The following PTK7 variants were observed in gnomAD, a reference collection of about 807,000 sequenced individuals.
The protein encoded by PTK7 is protein tyrosine kinase 7 (inactive), also known as inactive tyrosine-protein kinase 7.
A neutral mutation model predicts 116.6 loss-of-function variants in PTK7; 39 were observed. The observed-to-expected ratio is 0.33, with a 90% confidence interval of 0.26 to 0.44. PTK7 has a LOEUF of 0.44. PTK7 is among the 20% of genes least tolerant of loss of function. The pLI is 1.00. For missense variants in PTK7, 1,169 were observed against 1,425.6 expected, an observed-to-expected ratio of 0.82 and a Z score of 2.90; for synonymous variants, 546 against 563.6, an observed-to-expected ratio of 0.97 and a Z score of 0.44.
At chr6:43,136,128 C>A (rs1770024129) in intron 7 of PTK7, among the ~76,000 whole-genome samples, 1 of 152,024 alleles carries the variant, frequency 6.6e-6, no homozygotes, top group African/African-American at 2.4e-5. Flanking sequence ...TGCACTCCAG[C>A]CTGGGCGACA....
intron 1 of PTK7, among the ~76,000 whole-genome samples, chr6:43,098,691 T>C (rs533973993): frequency 1.3e-4 from 20 of 152,262 alleles, no homozygotes; most frequent in Middle Eastern, 3.4e-3. Context: ...AACGGTATGC[T>C]ACTAGAATTG....
chr6:43,138,673 A>T, intron 7 of PTK7, 176 bp from the exon 8 acceptor site: 1 of 847,824 alleles, frequency 1.2e-6, no homozygotes, highest in Admixed American at 2.8e-5. Context: ...AAAGAAAAAA[A>T]ATTTTAAAAA....
chr6:43,106,825 A>G (rs1249109338), intron 1 of PTK7, among the ~76,000 whole-genome samples: 1 of 151,654 alleles, frequency 6.6e-6, no homozygotes, highest in Non-Finnish European at 1.5e-5. Flanking sequence ...CATGTTGGCC[A>G]GGCTTGTCTT....
chr6:43,119,369 A>G (rs1561957192), intron 1 of PTK7, among the ~76,000 whole-genome samples: 5 of 152,168 alleles, frequency 3.3e-5, no homozygotes, highest in South Asian at 2.1e-4. Context: ...TAAGGCTACA[A>G]CCAGTCCAAG....
chr6:43,078,310 G>A (rs1390086350), intron 1 of PTK7, among the ~76,000 whole-genome samples: 1 of 152,090 alleles, frequency 6.6e-6, no homozygotes, highest in Non-Finnish European at 1.5e-5. Flanking sequence ...GGCAGGCTGA[G>A]GGCTTAGGAC....
intron 6 of PTK7, 113 bp downstream of exon 6, chr6:43,132,277 G>A: frequency 6.6e-7 from 1 of 1,505,008 alleles, no homozygotes; most frequent in Non-Finnish European, 8.9e-7. Context: ...GGGAAGAAAA[G>A]GATGCTGGGA....
chr6:43,118,622 T>C (rs1288427012), intron 1 of PTK7, among the ~76,000 whole-genome samples: 6 of 56,934 alleles, frequency 1.1e-4, no homozygotes, highest in African/African-American at 3.2e-4. Context: ...TATTTTAACC[T>C]CTCTCTCTCT....
chr6:43,142,422 C>G (rs758725591), intron 13 of PTK7, 123 bp downstream of exon 13: 1 of 1,433,640 alleles, frequency 7.0e-7, no homozygotes, highest in Non-Finnish European at 9.6e-7. Flanking sequence ...GGTGGGGATT[C>G]GGCCGTCTCA....
chr6:43,106,650 C>CTT (rs11312929), intron 1 of PTK7, among the ~76,000 whole-genome samples: 85 of 98,600 alleles, frequency 8.6e-4, no homozygotes, highest in Non-Finnish European at 1.2e-3. Flanking sequence ...TCCTCCCTGC[C>CTT]TTTTTTTTTT....
intron 1 of PTK7, chr6:43,077,101 G>A: frequency 8.5e-7 from 1 of 1,174,806 alleles, no homozygotes. Flanking sequence ...GAGTTCCTGG[G>A]CAAAGCTGAG....
chr6:43,130,176 C>T (rs1582157103), intron 3 of PTK7, 54 bp from the exon 4 acceptor site: 1 of 1,491,922 alleles, frequency 6.7e-7, no homozygotes, highest in East Asian at 2.3e-5. Flanking sequence ...TGTATCCTCT[C>T]CACTGGCCAC....
chr6:43,130,527 G>C lies in PTK7; in HGVS notation c.678G>C (p.Arg226Ser). Reference sequence around the variant, plus strand: ...CCTCTCCAGATGAAAGCTTTGCCAGGGTGGTGCTGGCACCCCAGGACGTGG... The same window carrying C: ...CCTCTCCAGATGAAAGCTTTGCCAGCGTGGTGCTGGCACCCCAGGACGTGG... ...TLSIADESFARVVLAPQDVVV... is the reference protein window; with the variant it reads ...TLSIADESFASVVLAPQDVVV... Residue 226 changes from arginine to serine, a missense_variant, in exon 5 of 20, where the codon AGG (arginine) becomes AGC (serine). This residue lies in a region of PTK7 where 487 missense variants were observed against 549.8 expected (regional missense o/e 0.89). Coordinates refer to ENST00000230419, the MANE Select transcript of PTK7 (RefSeq NM_002821.5). 1 of 1,613,898 alleles carries C rather than the reference G, an allele frequency of 6.2e-7. No individual in the cohort carries two copies.
chr6:43,093,518 CAG>C (rs1767071233), intron 1 of PTK7, among the ~76,000 whole-genome samples: 1 of 152,038 alleles, frequency 6.6e-6, no homozygotes, highest in East Asian at 1.9e-4. Flanking sequence ...GTCAGGAGCT[CAG>C]AGGATGGAGA....
chr6:43,085,000 T>C (rs909380518), intron 1 of PTK7, among the ~76,000 whole-genome samples: 4 of 152,224 alleles, frequency 2.6e-5, no homozygotes, highest in Non-Finnish European at 5.9e-5. Context: ...TCTATAGACC[T>C]GTGACACCAG....
chr6:43,091,154 CTTTTTTTTTT>C (rs35002545), intron 1 of PTK7, among the ~76,000 whole-genome samples: 2 of 133,098 alleles, frequency 1.5e-5, no homozygotes, highest in Admixed American at 7.8e-5. Flanking sequence ...TCGGTTTCCT[CTTTTTTTTTT>C]TTTTTTTTGT....
rs530045274 is a variant in PTK7, at chr6:43,127,113, A to G, written c.80-1864A>G. The stretch of plus-strand genomic sequence containing the variant: ...AGAACCCCACCTCCAGGGACTTGGA[A>G]GGGGCTCTGTAGGCCAAGATTAGTT... On this transcript the variant is annotated intron_variant, in intron 1 of 19. Transcript: ENST00000230419. Among the ~76,000 whole-genome samples, 14 of 152,352 alleles carry G rather than the reference A, an allele frequency of 9.2e-5. No individual in the cohort carries two copies. The East Asian group carries it at 2.7e-3, about 29-fold the overall frequency.
intron 1 of PTK7, among the ~76,000 whole-genome samples, chr6:43,098,091 G>T (rs1394425569): frequency 1.3e-5 from 2 of 152,144 alleles, no homozygotes; most frequent in African/African-American, 4.8e-5. Context: ...GGGGGTGAGG[G>T]TCTAGTGAGG....
rs769210472 is a variant in PTK7, at chr6:43,141,528, T to C, written c.1619-140T>C. ...TAAATAACGGAGGGGCTTCTAACACTTGGCTCAGGAGTTTGGACTTTGCCT... is the reference window on the plus strand; with the variant it reads ...TAAATAACGGAGGGGCTTCTAACACCTGGCTCAGGAGTTTGGACTTTGCCT... On this transcript the variant is annotated intron_variant, in intron 10 of 19. Coordinates refer to ENST00000230419, the MANE Select transcript of PTK7 (RefSeq NM_002821.5). This position sits in a 1 kb window ranked among gnomAD's most constrained non-coding sequence, Gnocchi z 4.9. 10 of 988,410 alleles carry C rather than the reference T, an allele frequency of 1.0e-5. No individual in the cohort carries two copies. Among genetic ancestry groups the C allele is most frequent in the African/African-American group, 1.6e-5 (1 of 61,838 alleles). 61.2% of individuals were successfully genotyped at this position (988,410 alleles called of 1,614,324 possible). A position where few individuals can be genotyped will look rare whatever the true frequency, so the allele number is the denominator to read the frequency against.
chr6:43,083,118 T>G (rs1561930509), intron 1 of PTK7, among the ~76,000 whole-genome samples: 1 of 152,202 alleles, frequency 6.6e-6, no homozygotes, highest in Admixed American at 6.5e-5. Context: ...GGCCAAGGAT[T>G]CAGTCTTTGG....
Sources: gnomAD v4.1 joint callset for allele counts (sites outside exome capture counted in the v4.1 genomes callset) on GRCh38, gnomAD v4.1.1 for gene constraint, gnomAD v4.1.1 regional missense constraint, Gnocchi (gnomAD v3.1) non-coding constraint, MANE v1.5 for transcripts, NCBI Gene and HGNC (gene_info 2026-07-23, HGNC 2026-07-21) for gene names.